The following TPRG1 variants were observed in gnomAD, a reference collection of about 807,000 sequenced individuals.
TPRG1 encodes the protein tumor protein p63 regulated 1.
Under a neutral mutation model 29.3 loss-of-function variants are expected in TPRG1, and 29 were observed. The ratio of observed to expected loss-of-function variants is 0.99; its 90% CI spans 0.74 to 1.35. The LOEUF (loss-of-function observed/expected upper bound fraction) is 1.35, where lower values mean the gene tolerates loss of function less well. TPRG1 is among the 40% of genes most tolerant of loss of function. The pLI is 0.00. For synonymous variants in TPRG1, 130 were observed against 116.8 expected (o/e 1.11, Z -0.73); for missense variants, 327 against 335.0 (o/e 0.98, Z 0.19).
chr3:189,006,937 G>T (rs1231189926), intron 3 of TPRG1, among the ~76,000 whole-genome samples: 1 of 152,092 alleles, frequency 6.6e-6, no homozygotes, highest in Non-Finnish European at 1.5e-5. Flanking sequence ...TTAAGAAAAT[G>T]ATTCCCTAGA....
At chr3:189,002,146 G>T (rs1712058016) in intron 2 of TPRG1, among the ~76,000 whole-genome samples, 1 of 152,316 alleles carries the variant, frequency 6.6e-6, no homozygotes, top group South Asian at 2.1e-4. Flanking sequence ...AAAAGGATGG[G>T]TATAAATTGA....
At chr3:189,207,349 A>C (rs777531103) in intron 1 of TPRG1, 27 bp from the exon 2 acceptor site, 10 of 1,611,166 alleles carry the variant, frequency 6.2e-6, no homozygotes, top group Admixed American at 1.7e-5. Context: ...ACATTTTTTC[A>C]ATGAGATTTT....
At position 189,108,548 on chromosome 3, in the gene TPRG1, C is replaced by T. The variant is rs116652332; in HGVS notation, c.-744+8344C>T. ...TTAGAACGTGTTTTTTTTTTTTTCG[C>T]CTCGGAACAACTGTACGGAATGCTG... On this transcript the variant is annotated intron_variant, in intron 1 of 6. Coordinates refer to the TPRG1 transcript ENST00000412373. Among the ~76,000 whole-genome samples the T allele has an allele frequency of 9.7e-3, 1,434 of 147,968 alleles. 22 individuals are homozygous for T. The highest frequency in any genetic ancestry group is 0.035 in the African/African-American group (1,378 of 39,812).
intron 3 of TPRG1, among the ~76,000 whole-genome samples, chr3:189,143,705 G>T (rs1315694431): frequency 1.3e-5 from 2 of 152,122 alleles, no homozygotes; most frequent in African/African-American, 4.8e-5. Flanking sequence ...CCCAGACTTA[G>T]GTGTAGGTGA....
At chr3:189,055,743 T>A (rs557138439) in intron 4 of TPRG1, among the ~76,000 whole-genome samples, 2 of 152,110 alleles carry the variant, frequency 1.3e-5, no homozygotes, top group East Asian at 3.9e-4. Flanking sequence ...AAGCTAGCGT[T>A]CATGAAATTG....
At chr3:189,239,110 C>A (rs1394500267) in intron 4 of TPRG1, among the ~76,000 whole-genome samples, 1 of 152,034 alleles carries the variant, frequency 6.6e-6, no homozygotes, top group Non-Finnish European at 1.5e-5. Flanking sequence ...TATATTAGTT[C>A]GTTTTCACAC....
intron 4 of TPRG1, among the ~76,000 whole-genome samples, chr3:189,078,091 CTCTTTCTT>C (rs67070787): frequency 0.32 from 26,573 of 82,690 alleles, 6,529 homozygotes; most frequent in Non-Finnish European, 0.43. Context: ...CTCTCTTTCT[CTCTTTCTT>C]TCTTTCTTTC....
At chr3:189,233,182 G>T (rs1738945519) in intron 3 of TPRG1, among the ~76,000 whole-genome samples, 1 of 152,014 alleles carries the variant, frequency 6.6e-6, no homozygotes, top group Non-Finnish European at 1.5e-5. Context: ...GTGTGTGTGT[G>T]TGTGTGTGTG....
intron 1 of TPRG1, among the ~76,000 whole-genome samples, chr3:189,204,037 CAAA>C (rs35367828): frequency 4.1e-4 from 36 of 87,924 alleles, no homozygotes; most frequent in South Asian, 1.5e-3. Context: ...GAGACTGTCT[CAAA>C]AAAAAAAAAA....
At chr3:189,235,217 CTTTTT>C (rs34934049) in intron 3 of TPRG1, among the ~76,000 whole-genome samples, 1 of 129,692 alleles carries the variant, frequency 7.7e-6, no homozygotes, top group South Asian at 2.5e-4. Context: ...ATGAGGTTTG[CTTTTT>C]TTTTTTTTTT....
intron 4 of TPRG1, among the ~76,000 whole-genome samples, chr3:189,306,343 T>TTAG (rs1048029917): frequency 2.6e-5 from 4 of 152,180 alleles, no homozygotes; most frequent in Admixed American, 2.6e-4. Context: ...TCTGATGGAT[T>TTAG]TAGATTCAAG....
chr3:189,158,576 T>C (rs1331237333), intron 5 of TPRG1, among the ~76,000 whole-genome samples: 2 of 152,044 alleles, frequency 1.3e-5, no homozygotes, highest in African/African-American at 4.8e-5. Flanking sequence ...GCCACTGCAC[T>C]CCAGCCTGGG....
At chr3:189,029,845 T>C (rs1183495199) in intron 4 of TPRG1, among the ~76,000 whole-genome samples, 1 of 152,120 alleles carries the variant, frequency 6.6e-6, no homozygotes, top group Non-Finnish European at 1.5e-5. Context: ...GCTCTCTTTC[T>C]CTTGCTCTGA....
intron 4 of TPRG1, among the ~76,000 whole-genome samples, chr3:189,273,284 A>T (rs541858649): frequency 6.6e-6 from 1 of 152,220 alleles, no homozygotes; most frequent in Non-Finnish European, 1.5e-5. Context: ...CTGGAGAGGT[A>T]GAAAAGTAAA....
At chr3:189,201,541 T>C (rs935804042) in intron 1 of TPRG1, among the ~76,000 whole-genome samples, 14 of 152,338 alleles carry the variant, frequency 9.2e-5, no homozygotes, top group Admixed American at 8.5e-4. Flanking sequence ...ACATGGCTCT[T>C]GTGAAGAGGT....
intron 4 of TPRG1, among the ~76,000 whole-genome samples, chr3:189,257,933 T>C (rs1468628836): frequency 6.6e-6 from 1 of 152,202 alleles, no homozygotes; most frequent in Non-Finnish European, 1.5e-5. Context: ...CTTCTTTGCA[T>C]TGGGTTAGAA....
chr3:189,077,051 T>A (rs1026380222), intron 4 of TPRG1, among the ~76,000 whole-genome samples: 1 of 152,082 alleles, frequency 6.6e-6, no homozygotes, highest in Non-Finnish European at 1.5e-5. Flanking sequence ...AGTGATGATA[T>A]GGAGCAAGTG....
intron 4 of TPRG1, among the ~76,000 whole-genome samples, chr3:189,304,978 A>G (rs1011388249): frequency 6.6e-6 from 1 of 152,086 alleles, no homozygotes; most frequent in Non-Finnish European, 1.5e-5. Context: ...GCTTCCTCAT[A>G]AATCTCGGTT....
intron 2 of TPRG1, chr3:189,212,289 C>A (rs142037808): frequency 6.6e-6 from 1 of 152,214 alleles, no homozygotes; most frequent in South Asian, 2.1e-4. Context: ...TTGTGAGCAA[C>A]GAGATTTTAA....
Sources: allele counts gnomAD v4.1 joint callset (sites outside exome capture counted in the v4.1 genomes callset), GRCh38; gene constraint gnomAD v4.1.1; transcripts MANE v1.5; gene names NCBI Gene and HGNC (gene_info 2026-07-23, HGNC 2026-07-21).